SPOCD1: variants seen among roughly 807,000 people sequenced by gnomAD.
SPOCD1 encodes the protein SPOC domain-containing protein 1.
SPOCD1 carries 64 observed loss-of-function variants against 92.2 expected under a neutral mutation model. The observed-to-expected ratio is 0.69, with a 90% CI of 0.57 to 0.86. The LOEUF is 0.86. SPOCD1 is among the 40% of genes least tolerant of loss of function. The probability of loss-of-function intolerance (pLI) is 0.00; values close to 1 mark genes in which losing one functional copy is unlikely to be tolerated. For missense variants in SPOCD1, 1,360 were observed against 1,543.1 expected, an observed-to-expected ratio of 0.88 and a Z score of 1.99; for synonymous variants, 578 against 619.3, an observed-to-expected ratio of 0.93 and a Z score of 0.99.
chr1:31,796,906 C>G (rs974396389), intron 9 of SPOCD1, among the ~76,000 whole-genome samples, 191 bp from the exon 10 acceptor site: 1 of 152,146 alleles, frequency 6.6e-6, no homozygotes, highest in Admixed American at 6.5e-5. Flanking sequence ...TCCACTGATT[C>G]ACCCTTCAAG....
chr1:31,792,166 G>C, intron 15 of SPOCD1, 49 bp downstream of exon 15: 1 of 1,550,916 alleles, frequency 6.4e-7, no homozygotes, highest in Non-Finnish European at 8.7e-7. Flanking sequence ...GCCTGGTCTG[G>C]TCACCAAGTG....
Position 31,814,751 on chromosome 1 carries a change from TCAGGGGCCTTC to T in SPOCD1, c.572_582del (p.Gly191AspfsTer25), listed in dbSNP as rs1649439708. The T allele has an allele frequency of 1.2e-6, 2 of 1,613,724 alleles. No homozygotes were observed. The highest frequency in any genetic ancestry group is 1.7e-6 in the Non-Finnish European group (2 of 1,179,816). On this transcript the variant is annotated frameshift_variant, in exon 2 of 16. Coordinates refer to ENST00000360482, the MANE Select transcript of SPOCD1 (RefSeq NM_144569.7). LOFTEE classifies it high-confidence loss of function. The surrounding 1 kb of genome is among the most constrained non-coding windows in gnomAD (Gnocchi z 4.2). ...ACAGGGACTGGGTCTGGTGAGGATG[TCAGGGGCCTTC>T]CAGGGGGCTCCTCTTTGCTGAGTGT...
chr1:31,799,309 C>A, intron 7 of SPOCD1, 92 bp downstream of exon 7: 1 of 1,165,538 alleles, frequency 8.6e-7, no homozygotes, highest in Non-Finnish European at 1.2e-6. Context: ...AGCCAGACAC[C>A]CAGAAGCCCT....
chr1:31,800,542 GC>G lies in SPOCD1; in HGVS notation c.1500del (p.Lys500AsnfsTer5), dbSNP rs1365669438. 1 of 1,612,012 alleles carries G rather than the reference GC, an allele frequency of 6.2e-7. No homozygotes were observed. Among genetic ancestry groups the G allele is most frequent in the Non-Finnish European group, 8.5e-7 (1 of 1,179,346 alleles). Reference protein sequence around the residue: ...HGQAGGQLPPKLEVLEDLMEV... With the variant: ...HGQAGGQLPPXLEVLEDLMEV... ...TCCATCAAGTCCTCTAGAACCTCCAGCTTTGGTGGCAGCTGCCCCCCTGCCT... is the reference window on the plus strand; with the variant it reads ...TCCATCAAGTCCTCTAGAACCTCCAGTTTGGTGGCAGCTGCCCCCCTGCCT... On this transcript the variant is annotated frameshift_variant, in exon 4 of 16. Coordinates refer to ENST00000360482, the MANE Select transcript of SPOCD1 (RefSeq NM_144569.7). LOFTEE classifies it high-confidence loss of function.
Position 31,798,892 on chromosome 1 carries a change from C to A in SPOCD1, c.1869-291G>T. Reference sequence around the variant, plus strand: ...GAAACTCGACTGTCTGACTCACCAGCCTGTGCCCCGTCTCTGGCTCACGGG... The same window carrying A: ...GAAACTCGACTGTCTGACTCACCAGACTGTGCCCCGTCTCTGGCTCACGGG... On this transcript the variant is annotated intron_variant, in intron 7 of 15. Coordinates refer to ENST00000360482, the MANE Select transcript of SPOCD1 (RefSeq NM_144569.7). The surrounding 1 kb of genome is among the most constrained non-coding windows in gnomAD (Gnocchi z 4.1). 1.8e-6 allele frequency: 1 copy of A among 567,716 alleles called. No individual in the cohort carries two copies. 35.2% of individuals were successfully genotyped at this position (567,716 alleles called of 1,614,324 possible). A position where few individuals can be genotyped will look rare whatever the true frequency, so the allele number is the denominator to read the frequency against.
chr1:31,815,391 A>G lies in SPOCD1; in HGVS notation c.-39-19T>C, dbSNP rs977016693. 9 of 1,487,854 alleles carry G rather than the reference A, an allele frequency of 6.0e-6. No homozygotes were observed. The African/African-American group carries it at 1.3e-4, about 21-fold the overall frequency. 92.2% of individuals were successfully genotyped at this position (1,487,854 alleles called of 1,614,324 possible). On this transcript the variant is annotated intron_variant, in intron 1 of 15. Transcript: ENST00000360482. ...ACGGGCCCTGTGTGGAGACAGAAAG[A>G]GGAGACTTTGTCTTGGAGAGTCCGA...
At chr1:31,792,516 A>G (rs1448597052) in intron 14 of SPOCD1, 115 bp from the exon 15 acceptor site, 2 of 1,278,616 alleles carry the variant, frequency 1.6e-6, no homozygotes, top group Non-Finnish European at 2.2e-6. Context: ...TCCATCTTCC[A>G]GAGGAGGAAA....
At position 31,800,063 on chromosome 1, in the gene SPOCD1, C is replaced by A. The variant is rs556187012; in HGVS notation, c.1681G>T (p.Gly561Cys). Residue 561 changes from glycine to cysteine, a missense_variant, in exon 5 of 16, where the codon GGT becomes TGT. Transcript: ENST00000360482. ...CTGGGGTCGCCAAGGGCCAGGGAAC[C>A]GCTTCTTGGAGGGTAGAAGGGGTCA... ...LSDPFYPPRS[G>C]SLALGDPSSD... The A allele has an allele frequency of 6.2e-7, 1 of 1,609,796 alleles. No individual in the cohort carries two copies.
chr1:31,795,492 G>A (rs1223486495), intron 10 of SPOCD1: 1 of 152,284 alleles, frequency 6.6e-6, no homozygotes, highest in South Asian at 2.1e-4. Context: ...TAGCTATCAT[G>A]TGTTATTTTC....
Position 31,815,235 on chromosome 1 carries a change from G to A in SPOCD1, c.99C>T (p.Ser33=). 6.2e-7 allele frequency: 1 copy of A among 1,606,296 alleles called. No individual in the cohort carries two copies. The highest frequency in any genetic ancestry group is 8.5e-7 in the Non-Finnish European group (1 of 1,174,084). The change falls in exon 2 of 16, where the codon AGC becomes AGT. Residue 33 remains serine, a synonymous_variant. Coordinates refer to ENST00000360482, the MANE Select transcript of SPOCD1 (RefSeq NM_144569.7). ...CATCTGGTGACAGGCCTGGCATGGA[G>A]CTGGCTCCTTCCATGTTCTGTAAAA... The part of the protein sequence containing the change: ...CELLQNMEGA[S]SMPGLSPDGP...
chr1:31,808,798 A>C (rs1034311790), intron 2 of SPOCD1, among the ~76,000 whole-genome samples: 5 of 152,268 alleles, frequency 3.3e-5, no homozygotes, highest in African/African-American at 4.8e-5. Context: ...AAATAGATAA[A>C]TTATATAGAT....
At position 31,790,583 on chromosome 1, in the gene SPOCD1, G is replaced by C. The variant is rs747888307; in HGVS notation, c.*20C>G. ...CACTAGTGAGGGCATCAAAACCCCT[G>C]TTCTGGTGGGTAAGGAGGGTCAGGC... is the stretch of plus-strand genomic sequence containing the variant. On this transcript the variant is annotated 3_prime_UTR_variant, in exon 16 of 16. Coordinates refer to ENST00000360482, the MANE Select transcript of SPOCD1 (RefSeq NM_144569.7). 6.5e-7 allele frequency: 1 copy of C among 1,549,176 alleles called. No homozygotes were observed. Among genetic ancestry groups the C allele is most frequent in the South Asian group, 1.2e-5 (1 of 83,900 alleles).
chr1:31,806,615 G>A (rs1015724519), intron 2 of SPOCD1, among the ~76,000 whole-genome samples: 2 of 150,796 alleles, frequency 1.3e-5, no homozygotes, highest in Non-Finnish European at 2.9e-5. Context: ...GTGCGATCTC[G>A]GCTCACTGCA....
Position 31,799,823 on chromosome 1 carries a change from T to C in SPOCD1, c.1769A>G (p.Gln590Arg). ...GGGCCCTTCACCTGAGTCCTCTGGC[T>C]GCTCCGGAAGAGAATCCTCTTCAGC... Reference protein sequence around the residue: ...MEAEEDSLPEQPEDSAQLQQE... With the variant: ...MEAEEDSLPERPEDSAQLQQE... The change falls in exon 6 of 16, where the codon CAG becomes CGG. Residue 590 changes from glutamine to arginine, a missense_variant. Gln to Arg is a conservative substitution (Grantham distance 43). Coordinates refer to ENST00000360482, the MANE Select transcript of SPOCD1 (RefSeq NM_144569.7). The C allele has an allele frequency of 6.2e-7, 1 of 1,614,052 alleles. No homozygotes were observed. Among genetic ancestry groups the C allele is most frequent in the Non-Finnish European group, 8.5e-7 (1 of 1,180,016 alleles).
chr1:31,801,529 G>A, intron 3 of SPOCD1, 135 bp downstream of exon 3: 2 of 711,648 alleles, frequency 2.8e-6, no homozygotes, highest in Non-Finnish European at 5.0e-6. Context: ...AGAGGGAGGG[G>A]AGCACTAGGA....
chr1:31,807,521 G>A (rs1648916789), intron 2 of SPOCD1, among the ~76,000 whole-genome samples: 1 of 149,420 alleles, frequency 6.7e-6, no homozygotes, highest in Non-Finnish European at 1.5e-5. Flanking sequence ...TGATAAGACT[G>A]TATGTTAAGT....
At chr1:31,794,333 CAAT>C in intron 10 of SPOCD1, 98 bp from the exon 11 acceptor site, 2 of 685,034 alleles carry the variant, frequency 2.9e-6, no homozygotes, top group Non-Finnish European at 4.9e-6. Flanking sequence ...TTATTTTTCT[CAAT>C]AATAAATGTT....
Position 31,798,697 on chromosome 1 carries a change from G to A in SPOCD1, c.1869-96C>T, listed in dbSNP as rs367626644. 305 of 1,393,620 alleles carry A rather than the reference G, an allele frequency of 2.2e-4. No individual in the cohort carries two copies. The African/African-American group carries it at 3.9e-3, about 18-fold the overall frequency. The allele number at this position is 1,393,620 out of a possible 1,614,324, so 86.3% of individuals were successfully genotyped here. On this transcript the variant is annotated intron_variant, in intron 7 of 15. Coordinates refer to ENST00000360482, the MANE Select transcript of SPOCD1 (RefSeq NM_144569.7). This position sits in a 1 kb window ranked among gnomAD's most constrained non-coding sequence, Gnocchi z 4.1. ...GCAGCTGGGTGGGCGGCAGGGTCTG[G>A]GCCAACTTGTTCCTGTCGTGGGTGT...
chr1:31,794,876 T>C (rs1021385249), intron 10 of SPOCD1: 1 of 152,244 alleles, frequency 6.6e-6, no homozygotes, highest in African/African-American at 2.4e-5. Flanking sequence ...TGGGATCATA[T>C]ATTCAACTTG....
Sources: allele counts gnomAD v4.1 joint callset (sites outside exome capture counted in the v4.1 genomes callset), GRCh38; gene constraint gnomAD v4.1.1; non-coding constraint Gnocchi (gnomAD v3.1); transcripts MANE v1.5; gene names NCBI Gene and HGNC (gene_info 2026-07-23, HGNC 2026-07-21).